The following COL24A1 variants were observed in gnomAD, a reference collection of about 807,000 sequenced individuals.
COL24A1 encodes the protein collagen type XXIV alpha 1 chain, also known as collagen alpha-1(XXIV) chain.
COL24A1 carries 224 observed loss-of-function variants against 253.9 expected under a neutral mutation model. That is an observed-to-expected ratio of 0.88 (90% confidence interval 0.79 to 0.99). The LOEUF is 0.99. Among genes scored for constraint, COL24A1 ranks in the 50% least tolerant of loss-of-function variants. The pLI is 0.00. For synonymous variants in COL24A1, 685 were observed against 673.7 expected (o/e 1.02, Z -0.26); for missense variants, 2,131 against 2,068.5 (o/e 1.03, Z -0.59).
At chr1:85,904,842 T>C (rs1296985762) in intron 28 of COL24A1, among the ~76,000 whole-genome samples, 1 of 152,150 alleles carries the variant, frequency 6.6e-6, no homozygotes, top group East Asian at 1.9e-4. Context: ...GTAAAATCTA[T>C]GCAGTTTAGA....
rs1703304608 is a variant in COL24A1 at position 86,089,200 on chromosome 1, C to G, written c.1681G>C (p.Gly561Arg). Residue 561 changes from glycine to arginine, a missense_variant, in exon 7 of 60, where the codon GGC becomes CGC. By Grantham distance (125) the Gly-to-Arg change is moderately radical. Coordinates refer to ENST00000370571, the MANE Select transcript of COL24A1 (RefSeq NM_152890.7). ...KGDQGLSGLM[G>R]PPGMQGDKGL... is the part of the protein sequence containing the mutation. ...TTATCACCTTGCATACCAGGGGGGC[C>G]CATTAATCCAGAAAGGCCTTGATCA... 2 of 1,585,800 alleles carry G rather than the reference C, an allele frequency of 1.3e-6. No homozygotes were observed. The highest frequency in any genetic ancestry group is 4.5e-5 in the East Asian group (2 of 44,232).
intron 5 of COL24A1, among the ~76,000 whole-genome samples, chr1:86,108,984 C>T (rs757194585): frequency 6.6e-6 from 1 of 152,128 alleles, no homozygotes; most frequent in Non-Finnish European, 1.5e-5. Flanking sequence ...TTGCACCAAC[C>T]TAGAAGGGGG....
At chr1:86,129,657 T>C (rs943621663) in intron 2 of COL24A1, among the ~76,000 whole-genome samples, 2 of 151,778 alleles carry the variant, frequency 1.3e-5, no homozygotes, top group Non-Finnish European at 3.0e-5. Flanking sequence ...TTGACCCAAG[T>C]GGTTTAAGAA....
intron 12 of COL24A1, chr1:86,046,033 T>C (rs774792993): frequency 1.9e-4 from 43 of 225,168 alleles, no homozygotes; most frequent in Non-Finnish European, 3.1e-4. Context: ...TTTATTTTAC[T>C]CACCTATATT....
chr1:85,958,473 AT>A (rs1214857664), intron 24 of COL24A1, among the ~76,000 whole-genome samples: 1 of 152,140 alleles, frequency 6.6e-6, no homozygotes, highest in East Asian at 1.9e-4. Context: ...TAGGGACCAT[AT>A]GTTTAAAAAT....
intron 18 of COL24A1, among the ~76,000 whole-genome samples, chr1:86,020,061 C>CTTTTTTTTTTTTTTTTTTTT (rs10582249): frequency 6.8e-5 from 7 of 102,588 alleles, no homozygotes; most frequent in African/African-American, 1.3e-4. Flanking sequence ...TTCATTCTTT[C>CTTTTTTTTTTTTTTTTTTTT]TTTTTTTTTT....
At chr1:86,149,501 G>A (rs918072741) in intron 1 of COL24A1, among the ~76,000 whole-genome samples, 2 of 152,172 alleles carry the variant, frequency 1.3e-5, no homozygotes, top group East Asian at 3.9e-4. Flanking sequence ...AGTCAATGAA[G>A]GATAGTGCAT....
chr1:85,895,763 G>A (rs1051635531), intron 31 of COL24A1, 95 bp downstream of exon 31: 1 of 929,842 alleles, frequency 1.1e-6, no homozygotes, highest in African/African-American at 1.7e-5. Context: ...TAATTTTTAT[G>A]TGTCAAAAAA....
Position 85,784,114 on chromosome 1 carries a change from T to C in COL24A1, c.4220A>G (p.Lys1407Arg). ...LTGFQGFPGP[K>R]GPEGDAGIVG... is the part of the protein sequence containing the mutation. ...CTAGAAGAAAGTATGTAAACATACT[T>C]TAGGGCCTGGGAATCCTTGGAAACC... The change falls in exon 50 of 60, where the codon AAA (lysine) becomes AGA (arginine). Residue 1407 changes from lysine to arginine, a missense_variant and splice_region_variant. By Grantham distance (26) the Lys-to-Arg change is conservative. Transcript: ENST00000370571. The C allele has an allele frequency of 6.2e-7, 1 of 1,611,722 alleles. No individual in the cohort carries two copies. The highest frequency in any genetic ancestry group is 8.5e-7 in the Non-Finnish European group (1 of 1,178,130).
chr1:85,827,413 T>G (rs1217768883), intron 43 of COL24A1, among the ~76,000 whole-genome samples: 3 of 151,740 alleles, frequency 2.0e-5, no homozygotes, highest in East Asian at 1.9e-4. Flanking sequence ...TCTGCCCGGC[T>G]TTGGTATCAG....
intron 55 of COL24A1, among the ~76,000 whole-genome samples, chr1:85,755,840 G>C (rs1307437378): frequency 3.3e-5 from 5 of 149,920 alleles, no homozygotes; most frequent in Non-Finnish European, 7.4e-5. Context: ...ATTTTGCAAT[G>C]ATTTCTTGGA....
chr1:85,934,863 C>T (rs12759079), intron 24 of COL24A1, among the ~76,000 whole-genome samples: 151,627 of 152,240 alleles, frequency 1, 75,511 homozygotes, highest in Middle Eastern at 1. Context: ...AAAACAGTCA[C>T]TGAGCCATAG....
At chr1:86,070,837 G>A (rs1391570414) in intron 7 of COL24A1, among the ~76,000 whole-genome samples, 1 of 151,932 alleles carries the variant, frequency 6.6e-6, no homozygotes, top group Non-Finnish European at 1.5e-5. Flanking sequence ...ATGCTAAAGG[G>A]AGTCATTCAA....
chr1:85,903,042 C>T (rs12068941), intron 28 of COL24A1, among the ~76,000 whole-genome samples: 2,079 of 147,184 alleles, frequency 0.014, 26 homozygotes, highest in Non-Finnish European at 0.019. Context: ...CGTACAAATA[C>T]GTATCAATAA....
intron 5 of COL24A1, 54 bp downstream of exon 5, chr1:86,112,513 A>G: frequency 6.8e-7 from 1 of 1,480,210 alleles, no homozygotes; most frequent in Non-Finnish European, 9.3e-7. Flanking sequence ...TTTTAATATC[A>G]GGAAAATCAG....
chr1:85,787,196 T>G (rs1007690822), intron 47 of COL24A1, among the ~76,000 whole-genome samples: 8 of 129,112 alleles, frequency 6.2e-5, no homozygotes, highest in Non-Finnish European at 1.1e-4. Context: ...TATGGCAGAG[T>G]TTTTTTTTTT....
At chr1:85,971,162 T>C (rs1031728902) in intron 21 of COL24A1, among the ~76,000 whole-genome samples, 178 bp downstream of exon 21, 4 of 152,078 alleles carry the variant, frequency 2.6e-5, no homozygotes, top group Admixed American at 2.0e-4. Context: ...TGAGCCAAGA[T>C]AGCACCACTG....
intron 12 of COL24A1, among the ~76,000 whole-genome samples, chr1:86,040,603 A>G (rs1305964640): frequency 6.6e-6 from 1 of 151,882 alleles, no homozygotes; most frequent in Non-Finnish European, 1.5e-5. Flanking sequence ...AAATTATAAC[A>G]TGTAGTTCAT....
intron 24 of COL24A1, among the ~76,000 whole-genome samples, chr1:85,945,942 A>G (rs1337210323): frequency 4.6e-5 from 7 of 152,178 alleles, no homozygotes; most frequent in African/African-American, 1.7e-4. Flanking sequence ...TGAGTTTGCC[A>G]TCTTTAAAAT....
Sources: gnomAD v4.1 joint callset for allele counts (sites outside exome capture counted in the v4.1 genomes callset) on GRCh38, gnomAD v4.1.1 for gene constraint, MANE v1.5 for transcripts, NCBI Gene and HGNC (gene_info 2026-07-23, HGNC 2026-07-21) for gene names.